The following NCAM2 variants were observed in gnomAD, a reference collection of about 807,000 sequenced individuals.
NCAM2 encodes N-CAM-2.
Under a neutral mutation model 98.1 loss-of-function variants are expected in NCAM2, and 30 were observed. The ratio of observed to expected loss-of-function variants is 0.31; its 90% confidence interval spans 0.23 to 0.41. The LOEUF is 0.41. Ranked by LOEUF, NCAM2 falls within the 10% of genes least tolerant of loss-of-function variation. The probability of loss-of-function intolerance (pLI) is 1.00; values close to 1 mark genes in which losing one functional copy is unlikely to be tolerated. For synonymous variants in NCAM2, 368 were observed against 342.4 expected, an observed-to-expected ratio of 1.07 and a Z score of -0.83; for missense variants, 867 against 1,005.8, an observed-to-expected ratio of 0.86 and a Z score of 1.87.
chr21:21,070,305 G>T (rs546560857), intron 1 of NCAM2, among the ~76,000 whole-genome samples: 11 of 150,252 alleles, frequency 7.3e-5, no homozygotes, highest in African/African-American at 2.7e-4. Context: ...ATGTAAATAT[G>T]TTATCAATTT....
At chr21:21,382,730 C>T (rs997010266) in intron 9 of NCAM2, among the ~76,000 whole-genome samples, 1 of 151,876 alleles carries the variant, frequency 6.6e-6, no homozygotes, top group Non-Finnish European at 1.5e-5. Context: ...CGGGGTTTCG[C>T]CATGTTGGCC....
At chr21:21,104,989 A>T (rs558018140) in intron 1 of NCAM2, among the ~76,000 whole-genome samples, 18 of 152,242 alleles carry the variant, frequency 1.2e-4, no homozygotes, top group Admixed American at 5.9e-4. Flanking sequence ...AGCTTAGAAC[A>T]AATCCCCCAG....
intron 6 of NCAM2, among the ~76,000 whole-genome samples, chr21:21,332,251 TG>T (rs1471951448): frequency 1.3e-5 from 2 of 152,106 alleles, no homozygotes; most frequent in South Asian, 2.1e-4. Flanking sequence ...TTTTGTGTTT[TG>T]GGGTGCTGAA....
At chr21:21,332,987 C>A (rs2074757899) in intron 6 of NCAM2, among the ~76,000 whole-genome samples, 1 of 152,092 alleles carries the variant, frequency 6.6e-6, no homozygotes, top group Non-Finnish European at 1.5e-5. Context: ...ATTCTGTAAT[C>A]CTGACCCCTA....
At chr21:21,112,488 C>T (rs2066473689) in intron 1 of NCAM2, among the ~76,000 whole-genome samples, 1 of 152,114 alleles carries the variant, frequency 6.6e-6, no homozygotes. Flanking sequence ...TAAAGTTGAA[C>T]CATATCTGGT....
chr21:21,174,242 G>T (rs914306708), intron 1 of NCAM2, among the ~76,000 whole-genome samples: 1 of 152,068 alleles, frequency 6.6e-6, no homozygotes, highest in African/African-American at 2.4e-5. Context: ...TTTCTTTAAA[G>T]AGTCAGCCAT....
chr21:21,123,315 A>AC (rs1364240982), intron 1 of NCAM2, among the ~76,000 whole-genome samples: 2 of 151,786 alleles, frequency 1.3e-5, no homozygotes, highest in African/African-American at 2.4e-5. Context: ...AATGGCGTGA[A>AC]CCCGGGGGGA....
intron 1 of NCAM2, among the ~76,000 whole-genome samples, chr21:21,054,261 G>A (rs7279570): frequency 0.06 from 9,090 of 151,972 alleles, 285 homozygotes; most frequent in East Asian, 0.096. Context: ...GTACAAATTT[G>A]TTGGTGAATA....
At chr21:21,513,157 C>T (rs1988499412) in intron 16 of NCAM2, among the ~76,000 whole-genome samples, 1 of 152,022 alleles carries the variant, frequency 6.6e-6, no homozygotes, top group Non-Finnish European at 1.5e-5. Flanking sequence ...TTGTCTTGTT[C>T]CAGATCTTAG....
At position 21,330,547 on chromosome 21, in the gene NCAM2, G is replaced by A. The variant is rs185409033; in HGVS notation, c.738-4958G>A. Reference sequence around the variant, plus strand: ...TTTATTGAGTCTTAAATTAAAGTATGTGTATTCCACTATTATTGTATGGAG... The same window carrying A: ...TTTATTGAGTCTTAAATTAAAGTATATGTATTCCACTATTATTGTATGGAG... On this transcript the variant is annotated intron_variant, in intron 6 of 17. Transcript: ENST00000400546. Among the ~76,000 whole-genome samples, 362 of 152,102 alleles carry A rather than the reference G, an allele frequency of 2.4e-3. 1 individual carries two copies. The highest frequency in any genetic ancestry group is 3.6e-3 in the Middle Eastern group (1 of 280).
chr21:21,134,064 CTTTT>C (rs36062789), intron 1 of NCAM2, among the ~76,000 whole-genome samples: 94 of 137,502 alleles, frequency 6.8e-4, no homozygotes, highest in South Asian at 1.0e-3. Context: ...CACTTCCTCT[CTTTT>C]TTTTTTTTTT....
chr21:21,322,761 AAGACTT>A (rs1174623498), intron 5 of NCAM2, among the ~76,000 whole-genome samples: 4 of 152,168 alleles, frequency 2.6e-5, no homozygotes, highest in African/African-American at 7.2e-5. Context: ...GGGTTGAGGA[AAGACTT>A]GGAAGACTCA....
chr21:21,365,589 G>C (rs2075765459), intron 8 of NCAM2, among the ~76,000 whole-genome samples: 1 of 151,846 alleles, frequency 6.6e-6, no homozygotes, highest in Non-Finnish European at 1.5e-5. Flanking sequence ...AGTATCAATA[G>C]AAACATACCA....
intron 9 of NCAM2, among the ~76,000 whole-genome samples, chr21:21,389,637 T>C (rs374797067): frequency 1.7e-4 from 26 of 152,286 alleles, no homozygotes; most frequent in African/African-American, 6.0e-4. Flanking sequence ...TCTTCCTCCA[T>C]GAGATCAGTT....
At chr21:21,159,160 G>A (rs1056656271) in intron 1 of NCAM2, among the ~76,000 whole-genome samples, 7 of 152,092 alleles carry the variant, frequency 4.6e-5, no homozygotes, top group African/African-American at 1.7e-4. Flanking sequence ...AAAAATTTGT[G>A]AGGATATAAA....
chr21:21,361,687 A>G (rs968115755), intron 8 of NCAM2, among the ~76,000 whole-genome samples: 2 of 152,028 alleles, frequency 1.3e-5, no homozygotes, highest in Admixed American at 6.6e-5. Context: ...CCAGTCTTCT[A>G]TGTCCAATGA....
intron 1 of NCAM2, among the ~76,000 whole-genome samples, chr21:21,232,077 C>G (rs1182457808): frequency 1.3e-5 from 2 of 151,398 alleles, no homozygotes; most frequent in African/African-American, 4.8e-5. Flanking sequence ...TAAATCCTTT[C>G]TCCCCAGTTA....
intron 1 of NCAM2, among the ~76,000 whole-genome samples, chr21:21,107,088 A>C (rs1231384846): frequency 1.3e-5 from 2 of 152,124 alleles, no homozygotes; most frequent in Non-Finnish European, 2.9e-5. Flanking sequence ...ATACCAGTCC[A>C]TCTCGTTTAG....
intron 5 of NCAM2, among the ~76,000 whole-genome samples, chr21:21,318,419 C>G (rs947644023): frequency 6.6e-6 from 1 of 152,052 alleles, no homozygotes; most frequent in African/African-American, 2.4e-5. Flanking sequence ...TCAACTGTAA[C>G]TTTTCACTTA....
Sources: gnomAD v4.1 joint callset for allele counts (sites outside exome capture counted in the v4.1 genomes callset) on GRCh38, gnomAD v4.1.1 for gene constraint, MANE v1.5 for transcripts, NCBI Gene and HGNC (gene_info 2026-07-23, HGNC 2026-07-21) for gene names.